Variants in ASTN2 observed in about 807,000 individuals in gnomAD.
ASTN2 encodes the protein astrotactin 2.
In ASTN2, 54 loss-of-function variants were observed where a neutral mutation model predicts 139.8. That is an observed-to-expected ratio of 0.39 (90% CI 0.31 to 0.48). The LOEUF is 0.48. Among genes scored for constraint, ASTN2 ranks in the 20% least tolerant of loss-of-function variants. The probability of loss-of-function intolerance (pLI) is 0.95; values close to 1 mark genes in which losing one functional copy is unlikely to be tolerated. For synonymous variants in ASTN2, 756 were observed against 719.5 expected (o/e 1.05, Z -0.81); for missense variants, 1,565 against 1,725.1 (o/e 0.91, Z 1.64).
intron 3 of ASTN2, among the ~76,000 whole-genome samples, chr9:117,201,829 C>G (rs943813452): frequency 9.9e-5 from 15 of 152,074 alleles, no homozygotes; most frequent in African/African-American, 3.4e-4. Flanking sequence ...ATTTGGGGTA[C>G]AGAATTCTGT....
intron 10 of ASTN2, among the ~76,000 whole-genome samples, chr9:116,921,678 G>A (rs1275761161): frequency 6.6e-6 from 1 of 151,954 alleles, no homozygotes. Context: ...TGGCTGGAGA[G>A]GCCTCAGGAA....
At position 117,230,112 on chromosome 9, in the gene ASTN2, A is replaced by C. The variant is rs939197137; in HGVS notation, c.631-15370T>G. On this transcript the variant is annotated intron_variant, in intron 2 of 22. Transcript: ENST00000313400. The stretch of plus-strand genomic sequence containing the variant: ...GCCCAGGAGTTTGAGGTAAGACTCT[A>C]TCTTAAAAAAAAAAAAAAGCCCTAT... Among the ~76,000 whole-genome samples the C allele has an allele frequency of 1.2e-4, 14 of 112,544 alleles. 1 individual carries two copies. In the South Asian group the frequency reaches 5.1e-3, roughly 41 times the overall value. The allele number at this position is 112,544 out of a possible 152,430, so 73.8% of individuals were successfully genotyped here.
intron 10 of ASTN2, among the ~76,000 whole-genome samples, chr9:116,945,989 C>T (rs1276915940): frequency 1.3e-5 from 2 of 152,184 alleles, no homozygotes; most frequent in Non-Finnish European, 2.9e-5. Context: ...GCAAGGTCCT[C>T]CTTCGCATGG....
At chr9:116,659,810 T>G (rs1858446913) in intron 16 of ASTN2, among the ~76,000 whole-genome samples, 2 of 152,148 alleles carry the variant, frequency 1.3e-5, no homozygotes, top group Admixed American at 1.3e-4. Context: ...TCCTCCAATT[T>G]ATTCTTGGAC....
At chr9:117,199,149 G>T (rs909152161) in intron 3 of ASTN2, among the ~76,000 whole-genome samples, 2 of 152,120 alleles carry the variant, frequency 1.3e-5, no homozygotes, top group African/African-American at 2.4e-5. Context: ...GATACCATTT[G>T]TCAATTTTGG....
chr9:116,455,414 A>C (rs10759839), intron 20 of ASTN2, among the ~76,000 whole-genome samples: 131,931 of 151,204 alleles, frequency 0.87, 58,308 homozygotes, highest in East Asian at 0.96. Flanking sequence ...GTTAATTGCT[A>C]ATTTTTAAAA....
chr9:116,841,341 C>T (rs1448361365), intron 11 of ASTN2, among the ~76,000 whole-genome samples: 3 of 152,140 alleles, frequency 2.0e-5, no homozygotes, highest in Admixed American at 6.5e-5. Flanking sequence ...CGTCCAGCTT[C>T]GGCTCGGCAT....
intron 19 of ASTN2, among the ~76,000 whole-genome samples, chr9:116,491,712 G>T (rs959946028): frequency 2.6e-5 from 4 of 152,186 alleles, no homozygotes; most frequent in Non-Finnish European, 5.9e-5. Flanking sequence ...AGTGGAGGGG[G>T]TACTAAGAAA....
intron 1 of ASTN2, among the ~76,000 whole-genome samples, chr9:117,336,941 T>C (rs959183006): frequency 5.9e-5 from 9 of 152,210 alleles, no homozygotes; most frequent in African/African-American, 1.7e-4. Flanking sequence ...CTCAAAGGTA[T>C]GGCTCCTCCG....
chr9:116,855,996 A>G (rs1035635773), intron 11 of ASTN2, among the ~76,000 whole-genome samples: 1 of 152,156 alleles, frequency 6.6e-6, no homozygotes, highest in African/African-American at 2.4e-5. Flanking sequence ...TTCAATACAT[A>G]TAGAGAATTC....
intron 1 of ASTN2, among the ~76,000 whole-genome samples, chr9:117,402,043 G>T (rs1257912324): frequency 6.6e-6 from 1 of 152,172 alleles, no homozygotes; most frequent in Non-Finnish European, 1.5e-5. Context: ...TGGAAACTAT[G>T]AAAAGTTAAT....
At chr9:117,100,749 AT>A (rs2132763701) in intron 4 of ASTN2, among the ~76,000 whole-genome samples, 2 of 152,350 alleles carry the variant, frequency 1.3e-5, no homozygotes, top group African/African-American at 4.8e-5. Context: ...AACAATTTGG[AT>A]TTTTGACCTG....
intron 2 of ASTN2, among the ~76,000 whole-genome samples, chr9:117,249,433 T>C (rs1780756581): frequency 6.6e-6 from 1 of 152,222 alleles, no homozygotes; most frequent in Non-Finnish European, 1.5e-5. Context: ...TCACAGATTG[T>C]GCAAACTGGA....
chr9:117,153,482 A>AAC (rs1385156428), intron 3 of ASTN2, among the ~76,000 whole-genome samples: 1 of 152,156 alleles, frequency 6.6e-6, no homozygotes, highest in Non-Finnish European at 1.5e-5. Context: ...GACTGACTGA[A>AAC]ACACAACCCT....
intron 6 of ASTN2, among the ~76,000 whole-genome samples, chr9:117,020,042 G>GTGTGTA (rs1554770017): frequency 6.9e-5 from 10 of 145,676 alleles, no homozygotes; most frequent in African/African-American, 2.4e-4. Context: ...GTGTGTGTGT[G>GTGTGTA]TGTATGTGTG....
At chr9:116,577,256 C>T (rs1367501565) in intron 19 of ASTN2, among the ~76,000 whole-genome samples, 4 of 152,280 alleles carry the variant, frequency 2.6e-5, no homozygotes, top group East Asian at 1.9e-4. Flanking sequence ...AGGCCAGGCA[C>T]GGTGGCTCAT....
intron 2 of ASTN2, among the ~76,000 whole-genome samples, chr9:117,279,459 A>G (rs1290768395): frequency 6.6e-6 from 1 of 152,200 alleles, no homozygotes; most frequent in East Asian, 1.9e-4. Context: ...CCAACTTTTA[A>G]CTGTAGAAAC....
chr9:116,649,572 CAAA>C (rs35946741), intron 17 of ASTN2, among the ~76,000 whole-genome samples: 1 of 137,598 alleles, frequency 7.3e-6, no homozygotes, highest in African/African-American at 2.7e-5. Context: ...AAAACTGTCT[CAAA>C]AAAAAAAAAA....
intron 10 of ASTN2, among the ~76,000 whole-genome samples, chr9:116,912,186 A>G (rs1174021601): frequency 6.6e-6 from 1 of 152,232 alleles, no homozygotes; most frequent in Non-Finnish European, 1.5e-5. Flanking sequence ...CACAGTGGAG[A>G]GAGATTGCTT....
Sources: gnomAD v4.1 joint callset for allele counts (sites outside exome capture counted in the v4.1 genomes callset) on GRCh38, gnomAD v4.1.1 for gene constraint, MANE v1.5 for transcripts, NCBI Gene and HGNC (gene_info 2026-07-23, HGNC 2026-07-21) for gene names.